STX18: variants seen among roughly 807,000 people sequenced by gnomAD.
The protein encoded by STX18 is syntaxin-18.
A neutral mutation model predicts 50.1 loss-of-function variants in STX18; 40 were observed. The ratio of observed to expected loss-of-function variants is 0.80; its 90% confidence interval spans 0.62 to 1.04. STX18 has a LOEUF of 1.04. STX18 is among the 50% of genes least tolerant of loss of function. The pLI, the probability that STX18 is intolerant of heterozygous loss-of-function variation, is 0.00. For synonymous variants in STX18, 158 were observed against 151.8 expected, an observed-to-expected ratio of 1.04 and a Z score of -0.30; for missense variants, 410 against 415.8, an observed-to-expected ratio of 0.99 and a Z score of 0.12.
chr4:4,457,857 C>T (rs1727164102), intron 3 of STX18, among the ~76,000 whole-genome samples: 2 of 152,214 alleles, frequency 1.3e-5, no homozygotes, highest in Middle Eastern at 3.2e-3. Flanking sequence ...TCACACACTC[C>T]TCCCTGCTTG....
At chr4:4,441,622 G>A (rs1051089396) in intron 5 of STX18, among the ~76,000 whole-genome samples, 9 of 152,074 alleles carry the variant, frequency 5.9e-5, no homozygotes, top group Admixed American at 3.9e-4. Flanking sequence ...AGACACAAAG[G>A]AAAGGACACA....
chr4:4,480,817 T>C (rs547872142), intron 1 of STX18, among the ~76,000 whole-genome samples: 3 of 152,344 alleles, frequency 2.0e-5, no homozygotes, highest in East Asian at 1.9e-4. Flanking sequence ...CAGCAGTTTT[T>C]TCCCAAGGAC....
At chr4:4,449,721 A>G (rs1456628116) in intron 5 of STX18, among the ~76,000 whole-genome samples, 1 of 152,190 alleles carries the variant, frequency 6.6e-6, no homozygotes, top group East Asian at 1.9e-4. Context: ...CTTTGTAATT[A>G]GTAAGTACCA....
chr4:4,529,316 C>G (rs546024950), intron 1 of STX18, among the ~76,000 whole-genome samples: 1 of 152,096 alleles, frequency 6.6e-6, no homozygotes, highest in East Asian at 1.9e-4. Context: ...GAATCAAGAT[C>G]GCGCCACTGC....
intron 1 of STX18, among the ~76,000 whole-genome samples, chr4:4,495,563 CTTTTT>C (rs35298335): frequency 2.3e-5 from 3 of 129,972 alleles, no homozygotes; most frequent in African/African-American, 5.8e-5. Flanking sequence ...TTTTTCTTTT[CTTTTT>C]TTTTTTTTTT....
chr4:4,500,599 C>T (rs1221088179), intron 1 of STX18, among the ~76,000 whole-genome samples: 2 of 152,178 alleles, frequency 1.3e-5, no homozygotes, highest in African/African-American at 4.8e-5. Context: ...CAAGGGATGA[C>T]CATATAGCCC....
intron 5 of STX18, among the ~76,000 whole-genome samples, chr4:4,442,390 G>A (rs1449657564): frequency 5.3e-5 from 8 of 152,058 alleles, no homozygotes; most frequent in South Asian, 2.1e-4. Context: ...TTGGGAGGCC[G>A]AGGAGGGCGA....
intron 1 of STX18, among the ~76,000 whole-genome samples, chr4:4,491,311 T>G (rs866683725): frequency 6.6e-6 from 1 of 152,130 alleles, no homozygotes; most frequent in South Asian, 2.1e-4. Context: ...ATAAATCTAA[T>G]TTCACTTTTC....
intron 8 of STX18, 91 bp downstream of exon 8, chr4:4,425,073 G>C: frequency 8.1e-7 from 1 of 1,236,108 alleles, no homozygotes; most frequent in Non-Finnish European, 1.2e-6. Flanking sequence ...GGGCCCCATG[G>C]GGATGCCTGG....
chr4:4,488,305 T>G (rs1384241201), intron 1 of STX18, among the ~76,000 whole-genome samples: 2 of 151,876 alleles, frequency 1.3e-5, no homozygotes, highest in African/African-American at 4.8e-5. Flanking sequence ...CTACTGACAT[T>G]TAAAAAAAAA....
In STX18 at chr4:4,500,985, C is replaced by T. The variant is rs544314582; in HGVS notation, c.169-29279G>A. 3.3e-4 allele frequency among the ~76,000 whole-genome samples: 50 copies of T among 152,142 alleles called. No individual in the cohort carries two copies. In the South Asian group the frequency reaches 8.7e-3, roughly 27 times the overall value. The stretch of plus-strand genomic sequence containing the variant: ...CTAGGAGAAGGAGGTAGCAGTGAGC[C>T]GAGATGGCGCCATTGCACTCCAGCT... On this transcript the variant is annotated intron_variant, in intron 1 of 10. Coordinates refer to ENST00000306200, the MANE Select transcript of STX18 (RefSeq NM_016930.4).
intron 1 of STX18, among the ~76,000 whole-genome samples, chr4:4,484,797 C>T (rs1728629384): frequency 6.6e-6 from 1 of 152,166 alleles, no homozygotes; most frequent in Non-Finnish European, 1.5e-5. Context: ...CTTCTGAATC[C>T]CTGCCGGTTA....
rs760735542 is a variant in STX18, at chr4:4,434,812, A to G, written c.660T>C (p.Asp220=). Reference sequence around the variant, plus strand: ...GGGATAACTCATCTTCGCCTTTGCCATCTCCCCACGTTCCCAATTCAGGTT... The same window carrying G: ...GGGATAACTCATCTTCGCCTTTGCCGTCTCCCCACGTTCCCAATTCAGGTT... ...ETQPELGTWG[D]GKGEDELSPE... The change falls in exon 7 of 11, where the codon GAT becomes GAC. Residue 220 remains aspartate, a synonymous_variant. Coordinates refer to ENST00000306200, the MANE Select transcript of STX18 (RefSeq NM_016930.4). 2 of 1,607,288 alleles carry G rather than the reference A, an allele frequency of 1.2e-6. No individual in the cohort carries two copies. The highest frequency in any genetic ancestry group is 2.3e-5 in the South Asian group (2 of 88,766).
chr4:4,455,406 A>G (rs1169935203), intron 5 of STX18, among the ~76,000 whole-genome samples: 1 of 152,208 alleles, frequency 6.6e-6, no homozygotes, highest in Non-Finnish European at 1.5e-5. Flanking sequence ...ATTTGTTGGC[A>G]TTAACAATTT....
At position 4,459,380 on chromosome 4, in the gene STX18, C is replaced by T. The variant is rs1419617078; in HGVS notation, c.344G>A (p.Arg115Gln). The T allele has an allele frequency of 1.2e-6, 2 of 1,613,160 alleles. No homozygotes were observed. Among genetic ancestry groups the T allele is most frequent in the Middle Eastern group, 1.7e-4 (1 of 6,042 alleles). Residue 115 changes from arginine (R) to glutamine (Q), a missense_variant, in exon 3 of 11, where the codon CGA becomes CAA. Arg to Gln is a conservative substitution (Grantham distance 43). Coordinates refer to ENST00000306200, the MANE Select transcript of STX18 (RefSeq NM_016930.4). ...RTCSEAIQQLRTEAHKEIHSQ... is the reference protein window; with the variant it reads ...RTCSEAIQQLQTEAHKEIHSQ... ...CTTTCAGAGCACTTTACCTTCTGTTCGTAGTTGCTGAATTGCTTCTGAACA... is the reference window on the plus strand; with the variant it reads ...CTTTCAGAGCACTTTACCTTCTGTTTGTAGTTGCTGAATTGCTTCTGAACA...
chr4:4,512,782 A>G (rs1187338575), intron 1 of STX18, among the ~76,000 whole-genome samples: 3 of 152,180 alleles, frequency 2.0e-5, no homozygotes, highest in Non-Finnish European at 2.9e-5. Context: ...GACACATTTA[A>G]GTAACCCACA....
intron 1 of STX18, among the ~76,000 whole-genome samples, chr4:4,517,290 T>G (rs934037015): frequency 1.3e-5 from 2 of 152,174 alleles, no homozygotes; most frequent in East Asian, 3.9e-4. Context: ...AAAATTTACT[T>G]CAGTTAGCTA....
chr4:4,478,159 T>C (rs75842175), intron 1 of STX18, among the ~76,000 whole-genome samples: 1 of 152,208 alleles, frequency 6.6e-6, no homozygotes, highest in African/African-American at 2.4e-5. Flanking sequence ...ATGAGAGTAT[T>C]TGTGAGAGTA....
At chr4:4,539,389 C>T (rs1360024065) in intron 1 of STX18, among the ~76,000 whole-genome samples, 1 of 152,156 alleles carries the variant, frequency 6.6e-6, no homozygotes, top group Non-Finnish European at 1.5e-5. Context: ...CTTTTGACAT[C>T]TAATTGTAGT....
Sources: allele counts gnomAD v4.1 joint callset (sites outside exome capture counted in the v4.1 genomes callset), GRCh38; gene constraint gnomAD v4.1.1; transcripts MANE v1.5; gene names NCBI Gene and HGNC (gene_info 2026-07-23, HGNC 2026-07-21).